SNRPN: variants seen among roughly 807,000 people sequenced by gnomAD.
SNRPN encodes small nuclear ribonucleoprotein-associated protein N.
In SNRPN, 7 loss-of-function variants were observed where a neutral mutation model predicts 25.2. The observed-to-expected ratio is 0.28, with a 90% CI of 0.16 to 0.52. The LOEUF (loss-of-function observed/expected upper bound fraction) is 0.52, where lower values mean the gene tolerates loss of function less well. Ranked by LOEUF, SNRPN falls within the 20% of genes least tolerant of loss-of-function variation. The pLI is 0.96. For synonymous variants in SNRPN, 124 were observed against 110.6 expected (o/e 1.12, Z -0.76); for missense variants, 196 against 322.5 (o/e 0.61, Z 3.00).
rs771940019 is a variant in SNRPN at position 24,943,562 on chromosome 15, T to C, written c.-390-18552T>C. Among the ~76,000 whole-genome samples, 3 of 152,138 alleles carry C rather than the reference T, an allele frequency of 2.0e-5. No individual in the cohort carries two copies. In the South Asian group the frequency reaches 6.2e-4, roughly 32 times the overall value. Reference sequence around the variant, plus strand: ...TAACTTTACAGCTGGGCTGGTAAGATAACACCCAGTTCATGAAGGGCAGCT... The same window carrying C: ...TAACTTTACAGCTGGGCTGGTAAGACAACACCCAGTTCATGAAGGGCAGCT... On this transcript the variant is annotated intron_variant, in intron 3 of 11. Coordinates refer to the SNRPN transcript ENST00000400097.
At chr15:24,970,736 C>T (rs1376131189) in intron 3 of SNRPN, among the ~76,000 whole-genome samples, 2 of 152,138 alleles carry the variant, frequency 1.3e-5, no homozygotes, top group African/African-American at 2.4e-5. Context: ...CTAAACACAT[C>T]ATGAGAAGTG....
At chr15:24,935,576 G>C (rs528287078) in intron 3 of SNRPN, among the ~76,000 whole-genome samples, 20 of 152,176 alleles carry the variant, frequency 1.3e-4, no homozygotes, top group Admixed American at 2.6e-4. Context: ...GGAGGCTGCA[G>C]TGTTTTTAAG....
chr15:24,867,075 A>G (rs1184213923), intron 1 of SNRPN, among the ~76,000 whole-genome samples: 3 of 152,168 alleles, frequency 2.0e-5, no homozygotes, highest in Non-Finnish European at 1.5e-5. Context: ...TGGTTTGAAC[A>G]CTGCTAAAAT....
intron 2 of SNRPN, among the ~76,000 whole-genome samples, chr15:24,834,715 G>GTC (rs1198015597): frequency 2.7e-5 from 1 of 36,946 alleles, no homozygotes; most frequent in African/African-American, 6.9e-5. Context: ...GTGAGACCTT[G>GTC]TCTCTCTCTC....
At chr15:24,906,942 G>A (rs2151900410) in intron 2 of SNRPN, among the ~76,000 whole-genome samples, 1 of 152,194 alleles carries the variant, frequency 6.6e-6, no homozygotes, top group African/African-American at 2.4e-5. Context: ...GACTGGAGGA[G>A]ATAAAAGGCT....
At position 24,976,437 on chromosome 15, in the gene SNRPN, G is replaced by T. The variant is rs145015966; in HGVS notation, c.267+21G>T. On this transcript the variant is annotated intron_variant, in intron 6 of 9. Transcript: ENST00000390687. The stretch of plus-strand genomic sequence containing the variant: ...AAGATGTAAGGAAGATGTAGGGCAG[G>T]ACAGAACTTTAATTTGCAGGGACAT... 2,323 of 1,501,790 alleles carry T rather than the reference G, an allele frequency of 1.5e-3. 1 individual carries two copies. The highest frequency in any genetic ancestry group is 1.9e-3 in the Non-Finnish European group (2,074 of 1,084,702). 93.0% of individuals were successfully genotyped at this position (1,501,790 alleles called of 1,614,324 possible). A position where few individuals can be genotyped will look rare whatever the true frequency, so the allele number is the denominator to read the frequency against.
intron 1 of SNRPN, among the ~76,000 whole-genome samples, chr15:24,859,689 A>G (rs529682505): frequency 6.6e-6 from 1 of 152,328 alleles, no homozygotes; most frequent in South Asian, 2.1e-4. Context: ...GCTTACTAAG[A>G]AAGTAAAGCA....
chr15:24,842,880 T>C (rs1257573135), intron 2 of SNRPN, among the ~76,000 whole-genome samples: 1 of 152,204 alleles, frequency 6.6e-6, no homozygotes, highest in Non-Finnish European at 1.5e-5. Context: ...CTTCCCACCA[T>C]ATTTAGTTTT....
intron 2 of SNRPN, among the ~76,000 whole-genome samples, chr15:24,832,242 T>A (rs980765455): frequency 1.3e-5 from 2 of 152,054 alleles, no homozygotes; most frequent in African/African-American, 4.8e-5. Context: ...TGTCTATGTA[T>A]GTCTTCATAT....
chr15:24,895,195 A>C (rs2057998762), intron 2 of SNRPN, among the ~76,000 whole-genome samples: 1 of 152,128 alleles, frequency 6.6e-6, no homozygotes, highest in South Asian at 2.1e-4. Flanking sequence ...CTCTCACATG[A>C]GGGTTTTATT....
rs149353947 is a variant in SNRPN, at chr15:24,910,709, G to T, written c.-504-9302G>T. ...GGGGTTTCATCATATTGGCCAGGCTGGTCTCGAACTCCTGACTTCGTGTTC... is the reference window on the plus strand; with the variant it reads ...GGGGTTTCATCATATTGGCCAGGCTTGTCTCGAACTCCTGACTTCGTGTTC... On this transcript the variant is annotated intron_variant, in intron 2 of 11. Transcript: ENST00000400097. 7.8e-3 allele frequency among the ~76,000 whole-genome samples: 1,194 copies of T among 152,166 alleles called. 27 individuals carry two copies. Among genetic ancestry groups the T allele is most frequent in the East Asian group, 0.066 (341 of 5,146 alleles).
intron 2 of SNRPN, among the ~76,000 whole-genome samples, chr15:24,894,969 T>C (rs529257812): frequency 1.3e-5 from 2 of 152,316 alleles, no homozygotes; most frequent in Admixed American, 6.5e-5. Flanking sequence ...TGAGTCTTCA[T>C]AAGAAAACTA....
intron 3 of SNRPN, among the ~76,000 whole-genome samples, chr15:24,923,876 C>CGTGTGTGTGTGTGTGTGTGTGT (rs1488829289): frequency 1.9e-5 from 2 of 107,022 alleles, no homozygotes; most frequent in African/African-American, 3.8e-5. Context: ...TTTTTAGTGC[C>CGTGTGTGTGTGTGTGTGTGTGT]GTGTATGTGT....
At chr15:24,956,637 T>A (rs1309841262) in intron 1 of SNRPN, among the ~76,000 whole-genome samples, 2 of 152,154 alleles carry the variant, frequency 1.3e-5, no homozygotes, top group Non-Finnish European at 2.9e-5. Flanking sequence ...CTGGAAGGAA[T>A]GGCAGCCCTC....
intron 2 of SNRPN, among the ~76,000 whole-genome samples, chr15:24,894,767 C>T (rs2057966208): frequency 6.6e-6 from 1 of 152,184 alleles, no homozygotes; most frequent in South Asian, 2.1e-4. Context: ...GGTGAAAATT[C>T]TCACCTTGCA....
At chr15:24,927,647 TTTATC>T (rs1267844426) in intron 3 of SNRPN, among the ~76,000 whole-genome samples, 10 of 152,136 alleles carry the variant, frequency 6.6e-5, no homozygotes, top group African/African-American at 1.9e-4. Flanking sequence ...ATACAATTAT[TTTATC>T]TAATCTACAG....
chr15:24,961,326 G>T (rs1452035306), intron 1 of SNRPN, among the ~76,000 whole-genome samples: 1 of 152,144 alleles, frequency 6.6e-6, no homozygotes, highest in Non-Finnish European at 1.5e-5. Context: ...AGGGTTCAGA[G>T]AATTATTAAT....
At position 24,976,765 on chromosome 15, in the gene SNRPN, A is replaced by G. The variant is rs17114934; in HGVS notation, c.268-112A>G. 0.01 allele frequency: 9,216 copies of G among 920,498 alleles called. 570 individuals are homozygous for G. In the African/African-American group the frequency reaches 0.14, roughly 14 times the overall value. 57.0% of individuals were successfully genotyped at this position (920,498 alleles called of 1,614,324 possible). ...TGTTTGTTCATTTGGACACAGAACT[A>G]ATATGAGATAGGTGTCATGGGAAAA... On this transcript the variant is annotated intron_variant, in intron 6 of 9. Coordinates refer to ENST00000390687, the MANE Select transcript of SNRPN (RefSeq NM_003097.6).
intron 2 of SNRPN, among the ~76,000 whole-genome samples, chr15:24,890,690 A>G (rs1293921432): frequency 2.6e-5 from 4 of 152,120 alleles, no homozygotes; most frequent in African/African-American, 4.8e-5. Context: ...AAAAACAAAA[A>G]CAAAAACAAA....
Sources: allele counts gnomAD v4.1 joint callset (sites outside exome capture counted in the v4.1 genomes callset), GRCh38; gene constraint gnomAD v4.1.1; transcripts MANE v1.5; gene names NCBI Gene and HGNC (gene_info 2026-07-23, HGNC 2026-07-21).